Variants in FCHSD2 observed in about 807,000 individuals in gnomAD.
FCHSD2 encodes the protein F-BAR and double SH3 domains protein 2.
A neutral mutation model predicts 108.1 loss-of-function variants in FCHSD2; 38 were observed. The ratio of observed to expected loss-of-function variants is 0.35; its 90% CI spans 0.27 to 0.46. The LOEUF (loss-of-function observed/expected upper bound fraction) is 0.46, where lower values mean the gene tolerates loss of function less well. Among genes scored for constraint, FCHSD2 ranks in the 20% least tolerant of loss-of-function variants. FCHSD2 has a pLI of 1.00. For synonymous variants in FCHSD2, 279 were observed against 314.7 expected, an observed-to-expected ratio of 0.89 and a Z score of 1.20; for missense variants, 751 against 897.8, an observed-to-expected ratio of 0.84 and a Z score of 2.09.
chr11:72,931,074 A>C (rs1856180204), intron 8 of FCHSD2, among the ~76,000 whole-genome samples: 1 of 146,116 alleles, frequency 6.8e-6, no homozygotes, highest in East Asian at 2.0e-4. Context: ...ATATATACCT[A>C]CTATATACCC....
At chr11:73,054,427 G>C (rs571995302) in intron 3 of FCHSD2, among the ~76,000 whole-genome samples, 12 of 152,220 alleles carry the variant, frequency 7.9e-5, no homozygotes, top group South Asian at 2.1e-4. Context: ...TCCTGTGATA[G>C]GGAATGATGG....
chr11:73,136,473 G>T (rs1052992889), intron 2 of FCHSD2, among the ~76,000 whole-genome samples: 8 of 151,634 alleles, frequency 5.3e-5, no homozygotes, highest in Non-Finnish European at 1.0e-4. Context: ...GCTTGAGCCC[G>T]AGAGGAGAGG....
chr11:72,962,492 T>C (rs1183513683), intron 8 of FCHSD2, among the ~76,000 whole-genome samples: 3 of 152,222 alleles, frequency 2.0e-5, no homozygotes, highest in Non-Finnish European at 4.4e-5. Flanking sequence ...CGATTGATAT[T>C]CACTGTAAAA....
At chr11:72,967,003 C>T (rs938894430) in intron 8 of FCHSD2, among the ~76,000 whole-genome samples, 54 of 151,876 alleles carry the variant, frequency 3.6e-4, no homozygotes, top group African/African-American at 1.3e-3. Flanking sequence ...TTGAGACCAT[C>T]CTGGCTAACA....
At chr11:73,019,169 A>G (rs1858041817) in intron 3 of FCHSD2, among the ~76,000 whole-genome samples, 1 of 152,238 alleles carries the variant, frequency 6.6e-6, no homozygotes, top group South Asian at 2.1e-4. Flanking sequence ...CACATCACAC[A>G]GAACATAGAA....
intron 8 of FCHSD2, chr11:72,941,142 C>T (rs1856409267): frequency 2.2e-6 from 1 of 460,962 alleles, no homozygotes; most frequent in Non-Finnish European, 3.9e-6. Context: ...ATTCATACCT[C>T]ATAATTTAGG....
chr11:73,089,140 G>A (rs1262959435), intron 2 of FCHSD2, among the ~76,000 whole-genome samples: 4 of 152,110 alleles, frequency 2.6e-5, no homozygotes, highest in Non-Finnish European at 5.9e-5. Flanking sequence ...TCATTATAAT[G>A]TATCATATAT....
At chr11:73,096,980 T>C (rs987279582) in intron 2 of FCHSD2, among the ~76,000 whole-genome samples, 4 of 142,664 alleles carry the variant, frequency 2.8e-5, no homozygotes, top group Non-Finnish European at 6.0e-5. Context: ...ATGTATTTCA[T>C]TGATGGATTT....
chr11:72,838,797 C>T lies in FCHSD2; in HGVS notation c.2217G>A (p.Leu739=). The T allele has an allele frequency of 6.2e-7, 1 of 1,600,234 alleles. No homozygotes were observed. The highest frequency in any genetic ancestry group is 8.5e-7 in the Non-Finnish European group (1 of 1,174,022). The change falls in exon 20 of 20, where the codon CTG becomes CTA. Residue 739 remains leucine (L), a synonymous_variant. Transcript: ENST00000409418. ...AEKIEDVEIT[L]V is the part of the protein sequence containing the mutation. ...TGGATGGGCAAGCCCATCATCACAC[C>T]AGTGTGATTTCCACATCTTCAATCT... is the stretch of plus-strand genomic sequence containing the variant.
chr11:73,135,625 C>T (rs1861104148), intron 2 of FCHSD2, among the ~76,000 whole-genome samples: 1 of 152,166 alleles, frequency 6.6e-6, no homozygotes, highest in African/African-American at 2.4e-5. Context: ...GTAGACTCTA[C>T]TTGTCTACTG....
chr11:72,941,305 C>T (rs1032033158), intron 8 of FCHSD2, among the ~76,000 whole-genome samples: 3 of 151,820 alleles, frequency 2.0e-5, no homozygotes, highest in Non-Finnish European at 2.9e-5. Context: ...AATGAATGGC[C>T]TCAAATAAAA....
intron 3 of FCHSD2, among the ~76,000 whole-genome samples, chr11:73,076,582 T>C (rs750390192): frequency 6.6e-6 from 1 of 152,168 alleles, no homozygotes; most frequent in Non-Finnish European, 1.5e-5. Context: ...TGAACTGGAA[T>C]AATGGCAATG....
At chr11:72,888,347 G>A (rs1053164759) in intron 11 of FCHSD2, among the ~76,000 whole-genome samples, 1 of 152,196 alleles carries the variant, frequency 6.6e-6, no homozygotes, top group African/African-American at 2.4e-5. Flanking sequence ...CCACTTGGAA[G>A]CTAGCAACAC....
intron 8 of FCHSD2, among the ~76,000 whole-genome samples, chr11:72,971,865 G>T (rs534880533): frequency 6.6e-6 from 1 of 152,252 alleles, no homozygotes; most frequent in African/African-American, 2.4e-5. Flanking sequence ...GTGGTGATTT[G>T]TTACATAGCA....
chr11:72,967,422 C>G (rs1230865631), intron 8 of FCHSD2, among the ~76,000 whole-genome samples: 1 of 151,780 alleles, frequency 6.6e-6, no homozygotes, highest in Non-Finnish European at 1.5e-5. Context: ...GACTATTATT[C>G]AGGTACAAAA....
chr11:72,865,087 C>T lies in FCHSD2; in HGVS notation c.1308+2778G>A, dbSNP rs1371001927. Among the ~76,000 whole-genome samples, 3 of 152,302 alleles carry T rather than the reference C, an allele frequency of 2.0e-5. No homozygotes were observed. In the East Asian group the frequency reaches 5.8e-4, roughly 29 times the overall value. On this transcript the variant is annotated intron_variant, in intron 13 of 19. Transcript: ENST00000409418. ...GTCTGTGTCTTTTTAAAACATTTATCTTCCACAAGGCACTTTTCAGTTGCA... is the reference window on the plus strand; with the variant it reads ...GTCTGTGTCTTTTTAAAACATTTATTTTCCACAAGGCACTTTTCAGTTGCA...
chr11:72,930,142 G>A (rs902966510), intron 8 of FCHSD2, among the ~76,000 whole-genome samples: 10 of 152,176 alleles, frequency 6.6e-5, no homozygotes, highest in African/African-American at 2.2e-4. Flanking sequence ...GGGGCCAGGA[G>A]GAAAAAGCAC....
At chr11:72,920,745 A>G (rs1855962238) in intron 9 of FCHSD2, among the ~76,000 whole-genome samples, 1 of 152,246 alleles carries the variant, frequency 6.6e-6, no homozygotes, top group African/African-American at 2.4e-5. Flanking sequence ...ACTTATATAC[A>G]TACTACATAG....
intron 5 of FCHSD2, among the ~76,000 whole-genome samples, chr11:72,989,705 T>C (rs1016383926): frequency 1.3e-5 from 2 of 152,174 alleles, no homozygotes; most frequent in African/African-American, 4.8e-5. Context: ...ACTAAAACAA[T>C]GTTTAATCAA....
Sources: gnomAD v4.1 joint callset for allele counts (sites outside exome capture counted in the v4.1 genomes callset) on GRCh38, gnomAD v4.1.1 for gene constraint, MANE v1.5 for transcripts, NCBI Gene and HGNC (gene_info 2026-07-23, HGNC 2026-07-21) for gene names.